PATJ: variants seen among roughly 807,000 people sequenced by gnomAD.
PATJ encodes PATJ crumbs cell polarity complex component, also known as inaD-like protein.
Under a neutral mutation model 224.9 loss-of-function variants are expected in PATJ, and 190 were observed. The ratio of observed to expected loss-of-function variants is 0.84; its 90% confidence interval spans 0.75 to 0.95. The LOEUF is 0.95. PATJ is among the 40% of genes least tolerant of loss of function. The probability of loss-of-function intolerance (pLI) is 0.00; values close to 1 mark genes in which losing one functional copy is unlikely to be tolerated. For missense variants in PATJ, 2,121 were observed against 2,270.3 expected, an observed-to-expected ratio of 0.93 and a Z score of 1.34; for synonymous variants, 769 against 820.3, an observed-to-expected ratio of 0.94 and a Z score of 1.07.
chr1:61,882,117 G>A (rs1264189985), intron 21 of PATJ, among the ~76,000 whole-genome samples: 2 of 152,136 alleles, frequency 1.3e-5, no homozygotes, highest in East Asian at 3.9e-4. Flanking sequence ...AATAAAGTCG[G>A]CCCACATTCT....
chr1:61,796,671 T>TTTCTTTCTTTCTTTCTTTCTTTCTTTC (rs1651203300), intron 10 of PATJ, among the ~76,000 whole-genome samples: 2 of 28,556 alleles, frequency 7.0e-5, no homozygotes, highest in African/African-American at 1.4e-4. Flanking sequence ...TCTTTCTTTC[T>TTTCTTTCTTTCTTTCTTTCTTTCTTTC]TTCTTTCTTT....
chr1:61,777,591 T>C lies in PATJ; in HGVS notation c.849+2257T>C, dbSNP rs1205348854. Among the ~76,000 whole-genome samples, 3 of 152,120 alleles carry C rather than the reference T, an allele frequency of 2.0e-5. No homozygotes were observed. The East Asian group carries it at 5.8e-4, about 29-fold the overall frequency. The stretch of plus-strand genomic sequence containing the variant: ...CATTTCTGATTAGATTGTTGATTGA[T>C]ATTAACCAATATGATTGTCTTGATA... On this transcript the variant is annotated intron_variant, in intron 7 of 43. Coordinates refer to ENST00000642238, the MANE Select transcript of PATJ (RefSeq NM_001350145.3).
intron 42 of PATJ, among the ~76,000 whole-genome samples, chr1:62,151,971 T>C (rs542774140): frequency 6.6e-6 from 1 of 152,324 alleles, no homozygotes; most frequent in Admixed American, 6.5e-5. Flanking sequence ...ACTTCCACAC[T>C]GGATGAAGCT....
In PATJ at chr1:62,099,323, T is replaced by C. The variant is rs558124140; in HGVS notation, c.4378-9114T>C. ...TTTTTCAAAGGAAAACATATGACTATTTTTTTGTATACAATATCTCCAACT... is the reference window on the plus strand; with the variant it reads ...TTTTTCAAAGGAAAACATATGACTACTTTTTTGTATACAATATCTCCAACT... On this transcript the variant is annotated intron_variant, in intron 33 of 43. Transcript: ENST00000642238. Among the ~76,000 whole-genome samples, 33 of 151,280 alleles carry C rather than the reference T, an allele frequency of 2.2e-4. No homozygotes were observed. The South Asian group carries it at 6.7e-3, about 31-fold the overall frequency.
intron 32 of PATJ, among the ~76,000 whole-genome samples, chr1:62,083,589 C>A (rs1263007515): frequency 6.6e-6 from 1 of 152,046 alleles, no homozygotes; most frequent in Non-Finnish European, 1.5e-5. Flanking sequence ...TAAAAATAAA[C>A]CTTTGTAAAA....
At chr1:61,868,995 G>C (rs950811595) in intron 20 of PATJ, among the ~76,000 whole-genome samples, 4 of 151,874 alleles carry the variant, frequency 2.6e-5, no homozygotes, top group South Asian at 2.1e-4. Flanking sequence ...GCTTACATAC[G>C]TAACATGGGG....
chr1:62,144,796 AAT>A (rs1667877646), intron 41 of PATJ, among the ~76,000 whole-genome samples: 1 of 145,100 alleles, frequency 6.9e-6, no homozygotes, highest in African/African-American at 2.6e-5. Flanking sequence ...ATATATATAT[AAT>A]TAGCAGAATA....
At chr1:61,804,253 T>C (rs1046256103) in intron 12 of PATJ, among the ~76,000 whole-genome samples, 1 of 152,118 alleles carries the variant, frequency 6.6e-6, no homozygotes, top group South Asian at 2.1e-4. Flanking sequence ...TGAATTTGAT[T>C]TTTTGTTTTT....
intron 29 of PATJ, among the ~76,000 whole-genome samples, chr1:62,021,064 A>G (rs1428481349): frequency 1.3e-5 from 2 of 152,104 alleles, no homozygotes; most frequent in Non-Finnish European, 2.9e-5. Context: ...CCTGGCATCA[A>G]TGATCTGCCT....
chr1:61,801,842 T>A (rs935901464), intron 12 of PATJ, 73 bp downstream of exon 12: 43 of 1,094,188 alleles, frequency 3.9e-5, no homozygotes, highest in Admixed American at 2.0e-4. Flanking sequence ...TTATAGTTAA[T>A]ATAGTATGAG....
At chr1:61,839,897 A>G (rs1009314568) in intron 17 of PATJ, among the ~76,000 whole-genome samples, 1 of 152,198 alleles carries the variant, frequency 6.6e-6, no homozygotes, top group African/African-American at 2.4e-5. Context: ...TAAAAATAGA[A>G]ATCATAATAA....
chr1:62,068,178 G>C (rs567871234), intron 31 of PATJ, among the ~76,000 whole-genome samples: 2 of 152,300 alleles, frequency 1.3e-5, no homozygotes, highest in African/African-American at 4.8e-5. Context: ...ATCTGAGTTT[G>C]TTATCCTGGT....
At chr1:62,004,258 C>T (rs960176468) in intron 28 of PATJ, among the ~76,000 whole-genome samples, 4 of 152,132 alleles carry the variant, frequency 2.6e-5, no homozygotes, top group African/African-American at 9.7e-5. Flanking sequence ...AATCTGGTAC[C>T]TAGAACACAG....
intron 41 of PATJ, among the ~76,000 whole-genome samples, chr1:62,142,587 T>G (rs531316376): frequency 1.7e-4 from 26 of 152,374 alleles, no homozygotes; most frequent in African/African-American, 6.0e-4. Context: ...CTGATCCTCA[T>G]GGATCCTGTG....
chr1:61,927,935 G>A, intron 27 of PATJ, 106 bp downstream of exon 27: 1 of 772,724 alleles, frequency 1.3e-6, no homozygotes, highest in Non-Finnish European at 2.0e-6. Flanking sequence ...TCAAAAATGT[G>A]CATGAATGTA....
intron 27 of PATJ, among the ~76,000 whole-genome samples, chr1:61,964,284 GT>G (rs1027088094): frequency 6.6e-6 from 1 of 151,710 alleles, no homozygotes; most frequent in Non-Finnish European, 1.5e-5. Flanking sequence ...GTTTCACCAT[GT>G]TGGCAAGGCT....
At chr1:61,836,681 G>A (rs1338632746) in intron 17 of PATJ, among the ~76,000 whole-genome samples, 3 of 151,980 alleles carry the variant, frequency 2.0e-5, no homozygotes, top group East Asian at 1.9e-4. Flanking sequence ...TTAATTAATC[G>A]GTTATACCAT....
intron 30 of PATJ, among the ~76,000 whole-genome samples, chr1:62,048,287 T>C (rs1652906851): frequency 1.3e-5 from 2 of 152,140 alleles, no homozygotes; most frequent in South Asian, 4.1e-4. Flanking sequence ...TGGCTCACAC[T>C]GTAATCCCAG....
At position 61,949,321 on chromosome 1, in the gene PATJ, G is replaced by A. The variant is rs562917108; in HGVS notation, c.3670+21492G>A. Among the ~76,000 whole-genome samples the A allele has an allele frequency of 2.0e-5, 3 of 152,086 alleles. No homozygotes were observed. The South Asian group carries it at 6.3e-4, about 32-fold the overall frequency. ...AACAAATTTATATAGAGAGAAAGCA[G>A]GCCTGGGTTGCGATTGGGTTTGATG... On this transcript the variant is annotated intron_variant, in intron 27 of 43. Coordinates refer to ENST00000642238, the MANE Select transcript of PATJ (RefSeq NM_001350145.3).
Sources: gnomAD v4.1 joint callset for allele counts (sites outside exome capture counted in the v4.1 genomes callset) on GRCh38, gnomAD v4.1.1 for gene constraint, MANE v1.5 for transcripts, NCBI Gene and HGNC (gene_info 2026-07-23, HGNC 2026-07-21) for gene names.